The following CYP2J2 variants were observed in gnomAD, a reference collection of about 807,000 sequenced individuals.
CYP2J2 encodes the protein cytochrome P450 2J2.
A neutral mutation model predicts 48.8 loss-of-function variants in CYP2J2; 41 were observed. The observed-to-expected ratio is 0.84, with a 90% CI of 0.66 to 1.09. The LOEUF (loss-of-function observed/expected upper bound fraction) is 1.09. Among genes scored for constraint, CYP2J2 ranks in the 50% least tolerant of loss-of-function variants. The pLI, the probability that CYP2J2 is intolerant of heterozygous loss-of-function variation, is 0.00. For synonymous variants in CYP2J2, 221 were observed against 227.1 expected (o/e 0.97, Z 0.24); for missense variants, 644 against 617.3 (o/e 1.04, Z -0.46).
chr1:59,964,113 G>A, the CYP2J2 span, among the ~76,000 whole-genome samples: 5 of 152,128 alleles, frequency 3.3e-5, no homozygotes, highest in African/African-American at 1.2e-4. Context: ...ACTGACAGGC[G>A]TAGTGTCTGA....
intron 6 of CYP2J2, 67 bp downstream of exon 6, chr1:59,907,719 C>A: frequency 6.4e-7 from 1 of 1,571,112 alleles, no homozygotes; most frequent in Non-Finnish European, 8.7e-7. Flanking sequence ...CTGGCCCCGA[C>A]TTCAGGCAGC....
At chr1:59,935,569 CA>C in the CYP2J2 span, among the ~76,000 whole-genome samples, 52 of 151,878 alleles carry the variant, frequency 3.4e-4, no homozygotes, top group Non-Finnish European at 2.9e-5. Flanking sequence ...AGCAGAAAAA[CA>C]TAAAAGATAA....
At chr1:59,969,204 G>A in the CYP2J2 span, among the ~76,000 whole-genome samples, 2 of 152,186 alleles carry the variant, frequency 1.3e-5, no homozygotes, top group African/African-American at 4.8e-5. Context: ...AAGGGGATCC[G>A]AGCGGGTTGC....
At chr1:59,899,094 ACGG>A (rs1392816919) in intron 8 of CYP2J2, among the ~76,000 whole-genome samples, 1 of 152,158 alleles carries the variant, frequency 6.6e-6, no homozygotes, top group Non-Finnish European at 1.5e-5. Flanking sequence ...TCCTCTCATC[ACGG>A]TTGCAGCTGG....
chr1:59,943,926 G>A, the CYP2J2 span, among the ~76,000 whole-genome samples: 2 of 152,142 alleles, frequency 1.3e-5, no homozygotes, highest in African/African-American at 4.8e-5. Context: ...TGAAGAAATG[G>A]GAGTTGAAGT....
the CYP2J2 span, among the ~76,000 whole-genome samples, chr1:59,945,671 T>C: frequency 6.6e-6 from 1 of 152,314 alleles, no homozygotes; most frequent in Non-Finnish European, 1.5e-5. Context: ...CAATTTTCAT[T>C]ATACACTTGA....
At chr1:59,927,079 T>C (rs1644573691), upstream of CYP2J2, among the ~76,000 whole-genome samples, 1 of 152,236 alleles carries the variant, frequency 6.6e-6, no homozygotes, top group Non-Finnish European at 1.5e-5. Context: ...ACCTAACATT[T>C]CTTGGGCTCT....
intron 6 of CYP2J2, among the ~76,000 whole-genome samples, chr1:59,905,545 T>C (rs569499681): frequency 1.3e-5 from 2 of 152,260 alleles, no homozygotes; most frequent in African/African-American, 4.8e-5. Flanking sequence ...ATTCAACCCA[T>C]AGCAGATCTA....
chr1:59,917,464 C>T (rs1413652416), intron 1 of CYP2J2, among the ~76,000 whole-genome samples: 3 of 152,200 alleles, frequency 2.0e-5, no homozygotes, highest in African/African-American at 7.2e-5. Context: ...TGAAACAACA[C>T]AGCAAAGGTG....
chr1:59,898,413 A>T (rs181012270), intron 8 of CYP2J2, among the ~76,000 whole-genome samples: 1 of 152,326 alleles, frequency 6.6e-6, no homozygotes, highest in East Asian at 1.9e-4. Flanking sequence ...GATATCCTAT[A>T]TCAGCCATCA....
At chr1:59,902,358 T>C (rs1451885276) in intron 7 of CYP2J2, among the ~76,000 whole-genome samples, 2 of 152,182 alleles carry the variant, frequency 1.3e-5, no homozygotes, top group African/African-American at 4.8e-5. Flanking sequence ...TTGAATTCAT[T>C]CAAATATTAA....
chr1:59,917,152 T>A (rs961382420), intron 1 of CYP2J2, among the ~76,000 whole-genome samples: 11 of 152,128 alleles, frequency 7.2e-5, no homozygotes, highest in Non-Finnish European at 1.3e-4. Context: ...AAATTATTCC[T>A]CTCTCTTAAG....
chr1:59,927,038 G>A (rs1644573250), upstream of CYP2J2, among the ~76,000 whole-genome samples: 3 of 152,204 alleles, frequency 2.0e-5, no homozygotes, highest in Admixed American at 2.0e-4. Flanking sequence ...GATTGGAACT[G>A]TGCCTGGTAA....
At chr1:59,966,101 C>T in the CYP2J2 span, among the ~76,000 whole-genome samples, 4 of 152,202 alleles carry the variant, frequency 2.6e-5, no homozygotes, top group African/African-American at 9.7e-5. Context: ...TCTGATGCTA[C>T]CTTCACATTT....
chr1:59,933,602 T>G, the CYP2J2 span, among the ~76,000 whole-genome samples: 1 of 152,060 alleles, frequency 6.6e-6, no homozygotes, highest in Non-Finnish European at 1.5e-5. Context: ...ATCTTTAGAG[T>G]TTTCTACATG....
the CYP2J2 span, among the ~76,000 whole-genome samples, chr1:59,962,824 A>G: frequency 1.3e-5 from 2 of 152,184 alleles, no homozygotes; most frequent in African/African-American, 2.4e-5. Context: ...AGTGCATGAC[A>G]TCTGGCTCTA....
At chr1:59,897,667 T>C (rs1298836413) in intron 8 of CYP2J2, among the ~76,000 whole-genome samples, 1 of 152,228 alleles carries the variant, frequency 6.6e-6, no homozygotes, top group African/African-American at 2.4e-5. Flanking sequence ...TGATTTTAAC[T>C]GGAAAGAGAG....
At chr1:59,928,730 G>T (rs1644589364), upstream of CYP2J2, among the ~76,000 whole-genome samples, 1 of 152,168 alleles carries the variant, frequency 6.6e-6, no homozygotes, top group South Asian at 2.1e-4. Flanking sequence ...TGAGATAGAG[G>T]TTCCACACTG....
intron 1 of CYP2J2, among the ~76,000 whole-genome samples, chr1:59,921,099 T>A (rs1038851468): frequency 1.3e-5 from 2 of 152,174 alleles, no homozygotes; most frequent in South Asian, 4.1e-4. Flanking sequence ...GAGTGTACAG[T>A]ATACATTTAG....
Sources: allele counts gnomAD v4.1 joint callset (sites outside exome capture counted in the v4.1 genomes callset), GRCh38; gene constraint gnomAD v4.1.1; transcripts MANE v1.5; gene names NCBI Gene and HGNC (gene_info 2026-07-23, HGNC 2026-07-21).